Variants in DNM2 observed in about 807,000 individuals in gnomAD.
DNM2 encodes dynamin 2.
In DNM2, 15 loss-of-function variants were observed where a neutral mutation model predicts 99.0. That is an observed-to-expected ratio of 0.15 (90% confidence interval 0.10 to 0.23). DNM2 has a LOEUF of 0.23. Ranked by LOEUF, DNM2 falls within the 10% of genes least tolerant of loss-of-function variation. The pLI is 1.00. For missense variants in DNM2, 742 were observed against 1,189.4 expected, an observed-to-expected ratio of 0.62 and a Z score of 5.53; for synonymous variants, 525 against 481.2, an observed-to-expected ratio of 1.09 and a Z score of -1.19.
chr19:10,814,870 G>A (rs112340566), intron 15 of DNM2, among the ~76,000 whole-genome samples: 7 of 152,326 alleles, frequency 4.6e-5, no homozygotes, highest in African/African-American at 1.7e-4. Context: ...ATGGCTTAGT[G>A]GCCTGGAAGG....
At chr19:10,786,195 C>T (rs763490730) in intron 6 of DNM2, among the ~76,000 whole-genome samples, 1 of 152,214 alleles carries the variant, frequency 6.6e-6, no homozygotes, top group African/African-American at 2.4e-5. Flanking sequence ...TTTTCAGGGG[C>T]GATCTTTCCA....
intron 5 of DNM2, among the ~76,000 whole-genome samples, chr19:10,779,307 A>G (rs1277113986): frequency 1.3e-5 from 2 of 151,364 alleles, no homozygotes; most frequent in Non-Finnish European, 2.9e-5. Flanking sequence ...AGATACAGAG[A>G]TTTCCTATCA....
In DNM2 at chr19:10,811,583, G is replaced by T; in HGVS notation, c.1558-681G>T. 1 of 408,778 alleles carries T rather than the reference G, an allele frequency of 2.4e-6. No individual in the cohort carries two copies. The highest frequency in any genetic ancestry group is 6.7e-4 in the Middle Eastern group (1 of 1,488). 25.3% of individuals were successfully genotyped at this position (408,778 alleles called of 1,614,324 possible). A position where few individuals can be genotyped will look rare whatever the true frequency, so the allele number is the denominator to read the frequency against. ...AGCTCCCAGGGCCCTCGTCCTGAGT[G>T]GGGTGGGGGGCTCTGCCCACACATG... On this transcript the variant is annotated intron_variant, in intron 14 of 20. Transcript: ENST00000389253. This position sits in a 1 kb window ranked among gnomAD's most constrained non-coding sequence, Gnocchi z 5.4.
chr19:10,759,228 A>G (rs1599494231), intron 1 of DNM2, among the ~76,000 whole-genome samples: 1 of 152,094 alleles, frequency 6.6e-6, no homozygotes, highest in Non-Finnish European at 1.5e-5. Flanking sequence ...CATTTTCATC[A>G]CCCCAGAAAG....
intron 5 of DNM2, chr19:10,781,675 G>C (rs2071381605): frequency 6.6e-6 from 1 of 152,202 alleles, no homozygotes; most frequent in Non-Finnish European, 1.5e-5. Flanking sequence ...CAGATGCTCA[G>C]GAGGTGGAGG....
At chr19:10,748,091 G>A (rs1336771846) in intron 1 of DNM2, among the ~76,000 whole-genome samples, 1 of 152,144 alleles carries the variant, frequency 6.6e-6, no homozygotes, top group Non-Finnish European at 1.5e-5. Context: ...GGTCGTGCAG[G>A]GCTTGGGGGG....
chr19:10,819,165 C>A (rs2072883591), intron 15 of DNM2, among the ~76,000 whole-genome samples: 1 of 152,140 alleles, frequency 6.6e-6, no homozygotes, highest in African/African-American at 2.4e-5. Context: ...TGGTGCACAC[C>A]TGTAATCCCA....
intron 15 of DNM2, among the ~76,000 whole-genome samples, chr19:10,813,106 T>C (rs1334106122): frequency 1.3e-5 from 2 of 152,220 alleles, no homozygotes; most frequent in Non-Finnish European, 2.9e-5. Flanking sequence ...TCAGTTTTTC[T>C]ATCTGCGAAG....
chr19:10,768,252 G>C (rs994235466), intron 2 of DNM2, among the ~76,000 whole-genome samples: 2 of 151,968 alleles, frequency 1.3e-5, no homozygotes, highest in Non-Finnish European at 2.9e-5. Flanking sequence ...AGGAGATCGC[G>C]ATCATCCTGG....
chr19:10,770,690 C>T (rs947114950), intron 2 of DNM2, among the ~76,000 whole-genome samples: 13 of 152,194 alleles, frequency 8.5e-5, no homozygotes, highest in East Asian at 3.8e-4. Context: ...ACATCTTATA[C>T]GGATGGCAGC....
intron 1 of DNM2, among the ~76,000 whole-genome samples, chr19:10,758,165 G>A (rs945906186): frequency 2.2e-4 from 33 of 152,128 alleles, no homozygotes; most frequent in African/African-American, 7.0e-4. Context: ...ACTGTAAGTC[G>A]GAGCAGGCTA....
In DNM2 at chr19:10,795,121, A is replaced by C. The variant is rs558972684; in HGVS notation, c.1129-251A>C. 1.3e-3 allele frequency among the ~76,000 whole-genome samples: 201 copies of C among 152,188 alleles called. No homozygotes were observed. The highest frequency in any genetic ancestry group is 4.6e-3 in the African/African-American group (193 of 41,510). ...TTTTTAGTAGAGATGGGGTCTCACT[A>C]TGTTGCCCAGGCTGGTCTCAAACTC... On this transcript the variant is annotated intron_variant, in intron 8 of 20. Coordinates refer to ENST00000389253, the MANE Select transcript of DNM2 (RefSeq NM_001005361.3). This position sits in a 1 kb window ranked among gnomAD's most constrained non-coding sequence, Gnocchi z 4.2.
intron 4 of DNM2, among the ~76,000 whole-genome samples, chr19:10,776,539 A>G (rs745478254): frequency 6.6e-6 from 1 of 152,170 alleles, no homozygotes; most frequent in Non-Finnish European, 1.5e-5. Context: ...CATGCCACAC[A>G]TATAACACAC....
At chr19:10,718,529 C>T (rs2068827377) in intron 1 of DNM2, 126 bp downstream of exon 1, 3 of 1,223,288 alleles carry the variant, frequency 2.5e-6, no homozygotes, top group African/African-American at 3.2e-5. Flanking sequence ...GGGAACCGGA[C>T]GGGGTCGGGG....
At chr19:10,759,927 C>T in intron 2 of DNM2, 116 bp downstream of exon 2, 2 of 1,378,652 alleles carry the variant, frequency 1.5e-6, no homozygotes, top group South Asian at 1.2e-5. Context: ...ACATTGAATT[C>T]ACGTGTTCCA....
intron 1 of DNM2, among the ~76,000 whole-genome samples, chr19:10,722,348 C>T (rs1420747086): frequency 6.6e-6 from 1 of 152,094 alleles, no homozygotes; most frequent in Non-Finnish European, 1.5e-5. Flanking sequence ...CTGCGGTGCA[C>T]CAGCAGATAG....
At chr19:10,778,826 G>A (rs1211297367) in intron 5 of DNM2, among the ~76,000 whole-genome samples, 1 of 152,070 alleles carries the variant, frequency 6.6e-6, no homozygotes, top group East Asian at 1.9e-4. Flanking sequence ...ATTGTTCTCT[G>A]TTAGCTGGTA....
At chr19:10,789,067 G>A (rs1470370232) in intron 7 of DNM2, among the ~76,000 whole-genome samples, 1 of 152,206 alleles carries the variant, frequency 6.6e-6, no homozygotes, top group Non-Finnish European at 1.5e-5. Flanking sequence ...GGATGGTGGT[G>A]CACCCCTGTA....
At chr19:10,792,162 G>C (rs1262197846) in intron 7 of DNM2, among the ~76,000 whole-genome samples, 3 of 152,180 alleles carry the variant, frequency 2.0e-5, no homozygotes, top group Non-Finnish European at 4.4e-5. Flanking sequence ...GTGTCTCCTG[G>C]AAGGAAATTA....
Sources: gnomAD v4.1 joint callset for allele counts (sites outside exome capture counted in the v4.1 genomes callset) on GRCh38, gnomAD v4.1.1 for gene constraint, Gnocchi (gnomAD v3.1) non-coding constraint, MANE v1.5 for transcripts, NCBI Gene and HGNC (gene_info 2026-07-23, HGNC 2026-07-21) for gene names.